The following PDE1A variants were observed in gnomAD, a reference collection of about 807,000 sequenced individuals.
PDE1A encodes phosphodiesterase 1A.
Under a neutral mutation model 61.7 loss-of-function variants are expected in PDE1A, and 35 were observed. The observed-to-expected ratio is 0.57, with a 90% CI of 0.43 to 0.75. The LOEUF (loss-of-function observed/expected upper bound fraction) is 0.75. Ranked by LOEUF, PDE1A falls within the 30% of genes least tolerant of loss-of-function variation. The probability of loss-of-function intolerance (pLI) is 0.00; values close to 1 mark genes in which losing one functional copy is unlikely to be tolerated. For synonymous variants in PDE1A, 232 were observed against 213.2 expected (o/e 1.09, Z -0.77); for missense variants, 597 against 630.6 (o/e 0.95, Z 0.57).
At chr2:182,596,203 G>A in the PDE1A span, among the ~76,000 whole-genome samples, 2 of 152,180 alleles carry the variant, frequency 1.3e-5, no homozygotes, top group African/African-American at 4.8e-5. Context: ...GCTGGACCAG[G>A]CAGCTATGAA....
At chr2:182,336,616 C>T (rs1220629406) in intron 1 of PDE1A, among the ~76,000 whole-genome samples, 1 of 151,940 alleles carries the variant, frequency 6.6e-6, no homozygotes, top group Non-Finnish European at 1.5e-5. Context: ...CAGGGCCTGT[C>T]AGCGGGTAGG....
the PDE1A span, among the ~76,000 whole-genome samples, chr2:182,598,880 A>G: frequency 6.6e-6 from 1 of 152,216 alleles, no homozygotes; most frequent in East Asian, 1.9e-4. Context: ...GTAGGTCAAG[A>G]ATTAAGATAG....
intron 7 of PDE1A, among the ~76,000 whole-genome samples, chr2:182,212,761 G>A (rs894887666): frequency 3.3e-5 from 5 of 152,238 alleles, no homozygotes; most frequent in Non-Finnish European, 7.3e-5. Context: ...GGCTCGGAGG[G>A]TCCTATGCCC....
chr2:182,512,855 C>G (rs1419249867), intron 2 of PDE1A, among the ~76,000 whole-genome samples: 4 of 152,164 alleles, frequency 2.6e-5, no homozygotes, highest in Admixed American at 2.6e-4. Flanking sequence ...AAGAATCTCA[C>G]AGCTCAAAGT....
At chr2:182,400,189 G>T (rs1202652065) in intron 1 of PDE1A, among the ~76,000 whole-genome samples, 3 of 151,840 alleles carry the variant, frequency 2.0e-5, no homozygotes, top group Non-Finnish European at 4.4e-5. Context: ...ATGTCTATTG[G>T]GTTATTTTTC....
chr2:182,634,377 G>A, the PDE1A span, among the ~76,000 whole-genome samples: 2 of 152,070 alleles, frequency 1.3e-5, no homozygotes, highest in Non-Finnish European at 2.9e-5. Flanking sequence ...ATTGTTTAAT[G>A]TGAAGAGAAA....
At chr2:182,301,103 C>T (rs1695213622) in intron 1 of PDE1A, among the ~76,000 whole-genome samples, 1 of 152,070 alleles carries the variant, frequency 6.6e-6, no homozygotes, top group Non-Finnish European at 1.5e-5. Flanking sequence ...GGAGATTTAT[C>T]CTCACAAGAT....
the PDE1A span, among the ~76,000 whole-genome samples, chr2:182,660,494 T>C: frequency 6.6e-6 from 1 of 152,134 alleles, no homozygotes; most frequent in Admixed American, 6.5e-5. Flanking sequence ...ACAAAAGAGA[T>C]TTTGCAGCTA....
At chr2:182,458,979 T>C (rs746747974) in intron 2 of PDE1A, among the ~76,000 whole-genome samples, 2 of 152,120 alleles carry the variant, frequency 1.3e-5, no homozygotes, top group African/African-American at 4.8e-5. Flanking sequence ...TCTTGTTCTT[T>C]TTTATTCTTA....
At chr2:182,682,692 A>G in the PDE1A span, among the ~76,000 whole-genome samples, 1 of 152,208 alleles carries the variant, frequency 6.6e-6, no homozygotes, top group Admixed American at 6.5e-5. Flanking sequence ...AACTTTTACT[A>G]TGTCAAGACT....
At chr2:182,185,970 C>T (rs1291836330) in exon 13 of PDE1A, 5 of 1,613,900 alleles carry the variant, frequency 3.1e-6, no homozygotes, top group East Asian at 4.5e-5. Flanking sequence ...CTCTTCAGGT[C>T]CACTGCTGCA....
chr2:182,474,871 T>C (rs1183278432), intron 2 of PDE1A, among the ~76,000 whole-genome samples: 4 of 151,890 alleles, frequency 2.6e-5, no homozygotes, highest in Admixed American at 1.3e-4. Flanking sequence ...ATAGAATTTA[T>C]GTAGAAAACT....
chr2:182,143,096 G>A (rs1258444618), downstream of PDE1A: 1 of 152,130 alleles, frequency 6.6e-6, no homozygotes, highest in Non-Finnish European at 1.5e-5. Context: ...GAAGTGGTTG[G>A]GCGCATGCTA....
chr2:182,325,214 G>A (rs1040402445), intron 1 of PDE1A, among the ~76,000 whole-genome samples: 1 of 152,148 alleles, frequency 6.6e-6, no homozygotes, highest in Non-Finnish European at 1.5e-5. Flanking sequence ...AGACTTGTTG[G>A]TTAGTAATTA....
chr2:182,468,628 C>A (rs1686823973), intron 2 of PDE1A, among the ~76,000 whole-genome samples: 1 of 151,968 alleles, frequency 6.6e-6, no homozygotes, highest in South Asian at 2.1e-4. Flanking sequence ...CCATGAAACA[C>A]AAATGTTCTT....
intron 8 of PDE1A, 96 bp downstream of exon 8, chr2:182,205,844 G>T: frequency 9.7e-7 from 1 of 1,034,464 alleles, no homozygotes; most frequent in Non-Finnish European, 1.4e-6. Context: ...GTAATTTGGG[G>T]AATGCATCGA....
intron 2 of PDE1A, chr2:182,522,202 G>A (rs192956754): frequency 2.7e-5 from 34 of 1,256,746 alleles, no homozygotes; most frequent in Admixed American, 1.7e-4. Context: ...CCACAAAGGC[G>A]GATAGCACCA....
At chr2:182,615,944 T>C in the PDE1A span, among the ~76,000 whole-genome samples, 1 of 152,188 alleles carries the variant, frequency 6.6e-6, no homozygotes, top group Non-Finnish European at 1.5e-5. Context: ...AGGTCTCAAT[T>C]CTCAACACTG....
chr2:182,552,136 A>G, the PDE1A span, among the ~76,000 whole-genome samples: 20 of 152,336 alleles, frequency 1.3e-4, no homozygotes, highest in African/African-American at 4.8e-4. Context: ...TTATCACATA[A>G]TGAACCCAAA....
Sources: allele counts gnomAD v4.1 joint callset (sites outside exome capture counted in the v4.1 genomes callset), GRCh38; gene constraint gnomAD v4.1.1; transcripts MANE v1.5; gene names NCBI Gene and HGNC (gene_info 2026-07-23, HGNC 2026-07-21).